The following ARHGEF12 variants were observed in gnomAD, a reference collection of about 807,000 sequenced individuals.
The protein encoded by ARHGEF12 is KMT2A/ARHGEF12 fusion protein.
A neutral mutation model predicts 211.2 loss-of-function variants in ARHGEF12; 66 were observed. That is an observed-to-expected ratio of 0.31 (90% confidence interval 0.26 to 0.38). ARHGEF12 has a LOEUF of 0.38. Ranked by LOEUF, ARHGEF12 falls within the 10% of genes least tolerant of loss-of-function variation. The probability of loss-of-function intolerance (pLI) is 1.00; values close to 1 mark genes in which losing one functional copy is unlikely to be tolerated. For synonymous variants in ARHGEF12, 592 were observed against 638.4 expected, an observed-to-expected ratio of 0.93 and a Z score of 1.09; for missense variants, 1,429 against 1,869.5, an observed-to-expected ratio of 0.76 and a Z score of 4.34.
At chr11:120,397,094 G>C (rs758049988) in intron 1 of ARHGEF12, among the ~76,000 whole-genome samples, 12 of 152,146 alleles carry the variant, frequency 7.9e-5, no homozygotes, top group Non-Finnish European at 1.8e-4. Flanking sequence ...TTCAGTTTGT[G>C]GATAGTATAA....
chr11:120,381,171 G>A (rs900534973), intron 1 of ARHGEF12, among the ~76,000 whole-genome samples: 3 of 152,160 alleles, frequency 2.0e-5, no homozygotes, highest in Non-Finnish European at 4.4e-5. Context: ...ACAGAGCTAG[G>A]TAATATCTGT....
Position 120,465,343 on chromosome 11 carries a change from G to A in ARHGEF12, c.2720G>A (p.Arg907Gln), listed in dbSNP as rs754072463. ...AAATCTCGTCAGAAAAAGGATTCTC[G>A]ATTTCAGACTTTTGTGCAAGTGAGT... ...MIKSRQKKDS[R>Q]FQTFVQDAES... The change falls in exon 28 of 41, where the codon CGA becomes CAA. Residue 907 changes from arginine (R) to glutamine (Q), a missense_variant. Arg to Gln is a conservative substitution (Grantham distance 43). Around this residue, in one of 7 missense-constraint regions of ARHGEF12, gnomAD observed 223 missense variants for 444.6 expected, o/e 0.50. Transcript: ENST00000397843. The A allele has an allele frequency of 2.5e-6, 4 of 1,614,072 alleles. No homozygotes were observed. The highest frequency in any genetic ancestry group is 1.7e-5 in the Admixed American group (1 of 60,002).
chr11:120,437,139 A>G (rs1462834475), intron 11 of ARHGEF12, among the ~76,000 whole-genome samples, 169 bp from the exon 12 acceptor site: 1 of 152,192 alleles, frequency 6.6e-6, no homozygotes, highest in Non-Finnish European at 1.5e-5. Context: ...AGAATAAGTG[A>G]CTTGCCAAAG....
chr11:120,447,801 G>C (rs1946086096), intron 18 of ARHGEF12, 73 bp from the exon 19 acceptor site: 4 of 1,088,524 alleles, frequency 3.7e-6, no homozygotes, highest in Non-Finnish European at 5.3e-6. Flanking sequence ...GGGTGGCAGA[G>C]TGAGACTCTG....
Position 120,484,555 on chromosome 11 carries a change from T to C in ARHGEF12, c.4624+48T>C, listed in dbSNP as rs372032705. ...AGACTCTAGACTAATCATCCTACAC[T>C]GAATGAAATGACTTATCATACTTTG... is the stretch of plus-strand genomic sequence containing the variant. On this transcript the variant is annotated intron_variant, in intron 40 of 40. Transcript: ENST00000397843. 14 of 1,446,180 alleles carry C rather than the reference T, an allele frequency of 9.7e-6. No individual in the cohort carries two copies. The African/African-American group carries it at 1.4e-4, about 14-fold the overall frequency. 89.6% of individuals were successfully genotyped at this position (1,446,180 alleles called of 1,614,324 possible). A position where few individuals can be genotyped will look rare whatever the true frequency, so the allele number is the denominator to read the frequency against.
In ARHGEF12 at chr11:120,336,734, C is replaced by G. The variant is rs903691518; in HGVS notation, c.-510C>G. Among the ~76,000 whole-genome samples the G allele has an allele frequency of 6.6e-6, 1 of 152,168 alleles. No homozygotes were observed. Among genetic ancestry groups the G allele is most frequent in the Non-Finnish European group, 1.5e-5 (1 of 68,018 alleles). ...CCCGGGACATGGAATCGCGCGAGCCCGGCGCGGGACGGCCGGAGACGCGGC... is the reference window on the plus strand; with the variant it reads ...CCCGGGACATGGAATCGCGCGAGCCGGGCGCGGGACGGCCGGAGACGCGGC... On this transcript the variant is annotated 5_prime_UTR_variant, in exon 1 of 41. Transcript: ENST00000397843.
chr11:120,453,483 G>C (rs1053758372), intron 22 of ARHGEF12, among the ~76,000 whole-genome samples: 2 of 152,174 alleles, frequency 1.3e-5, no homozygotes, highest in African/African-American at 4.8e-5. Context: ...ACTTTGGGAG[G>C]CTGAGGCAGG....
intron 18 of ARHGEF12, 124 bp downstream of exon 18, chr11:120,447,209 T>C (rs1046427156): frequency 1.8e-6 from 2 of 1,112,818 alleles, no homozygotes; most frequent in Non-Finnish European, 2.4e-6. Context: ...TATTTTGTCA[T>C]AGTACTTGAG....
intron 29 of ARHGEF12, 125 bp downstream of exon 29, chr11:120,467,433 C>CTTTTTT (rs370225155): frequency 3.6e-5 from 11 of 302,756 alleles, no homozygotes; most frequent in South Asian, 1.5e-4. Context: ...ACAAGATTTT[C>CTTTTTT]TTTTTTTTTT....
intron 2 of ARHGEF12, among the ~76,000 whole-genome samples, chr11:120,406,555 A>T (rs940385199): frequency 2.7e-5 from 4 of 150,702 alleles, no homozygotes; most frequent in Admixed American, 6.9e-5. Flanking sequence ...TTTATTTTTT[A>T]TTTTATTTTA....
chr11:120,412,460 C>G (rs1460088350), intron 4 of ARHGEF12, among the ~76,000 whole-genome samples: 1 of 152,224 alleles, frequency 6.6e-6, no homozygotes, highest in Non-Finnish European at 1.5e-5. Context: ...TCAGAAGATT[C>G]CCTTGCTGGC....
chr11:120,448,577 A>T, intron 20 of ARHGEF12: 1 of 527,414 alleles, frequency 1.9e-6, no homozygotes, highest in Non-Finnish European at 3.3e-6. Context: ...GTTTACAAAG[A>T]GTGCTATTTC....
chr11:120,448,474 A>G, intron 20 of ARHGEF12, 126 bp downstream of exon 20: 1 of 678,894 alleles, frequency 1.5e-6, no homozygotes, highest in South Asian at 1.9e-5. Flanking sequence ...AAACATTTAT[A>G]AGATACTGTC....
At chr11:120,343,980 A>C (rs907879066) in intron 1 of ARHGEF12, among the ~76,000 whole-genome samples, 4 of 152,076 alleles carry the variant, frequency 2.6e-5, no homozygotes, top group African/African-American at 9.7e-5. Context: ...TTGTAGAAAA[A>C]CTGGCCAGGC....
At chr11:120,465,516 G>T (rs866334724) in intron 28 of ARHGEF12, among the ~76,000 whole-genome samples, 154 bp downstream of exon 28, 2 of 152,028 alleles carry the variant, frequency 1.3e-5, no homozygotes, top group African/African-American at 2.4e-5. Flanking sequence ...GCCCAGGCTG[G>T]AGTGCAATGG....
intron 1 of ARHGEF12, among the ~76,000 whole-genome samples, chr11:120,373,638 T>C (rs147525504): frequency 1.0e-3 from 153 of 152,326 alleles, no homozygotes; most frequent in African/African-American, 3.6e-3. Context: ...ATTTAACTAG[T>C]AGAATAATGA....
chr11:120,401,242 T>C (rs2135547560), intron 1 of ARHGEF12, among the ~76,000 whole-genome samples: 1 of 152,358 alleles, frequency 6.6e-6, no homozygotes, highest in East Asian at 1.9e-4. Context: ...AAAAGATTTA[T>C]GACTGTTTAT....
chr11:120,459,100 C>T, intron 25 of ARHGEF12, 74 bp from the exon 26 acceptor site: 1 of 1,204,458 alleles, frequency 8.3e-7, no homozygotes, highest in Non-Finnish European at 1.1e-6. Context: ...CTACTTCACT[C>T]CAGCTAAAGA....
In ARHGEF12 at chr11:120,488,924, G is replaced by A. The variant is rs1240672777; in HGVS notation, c.*3847G>A. ...AGCTCTTTTATGAATTAGCTGATAAGGCTGTATGTTTCTGGAACAAAATAT... is the reference window on the plus strand; with the variant it reads ...AGCTCTTTTATGAATTAGCTGATAAAGCTGTATGTTTCTGGAACAAAATAT... On this transcript the variant is annotated 3_prime_UTR_variant, in exon 41 of 41. Coordinates refer to ENST00000397843, the MANE Select transcript of ARHGEF12 (RefSeq NM_015313.3). The A allele has an allele frequency of 2.8e-5, 6 of 217,486 alleles. No individual in the cohort carries two copies. The highest frequency in any genetic ancestry group is 4.6e-5 in the Non-Finnish European group (5 of 108,008). 13.5% of individuals were successfully genotyped at this position (217,486 alleles called of 1,614,324 possible). A position where few individuals can be genotyped will look rare whatever the true frequency, so the allele number is the denominator to read the frequency against.
Sources: gnomAD v4.1 joint callset for allele counts (sites outside exome capture counted in the v4.1 genomes callset) on GRCh38, gnomAD v4.1.1 for gene constraint, gnomAD v4.1.1 regional missense constraint, MANE v1.5 for transcripts, NCBI Gene and HGNC (gene_info 2026-07-23, HGNC 2026-07-21) for gene names.